Variants in ASIC2 observed in about 807,000 individuals in gnomAD.
The protein encoded by ASIC2 is acid sensing ion channel subunit 2.
In ASIC2, 25 loss-of-function variants were observed where a neutral mutation model predicts 57.3. That is an observed-to-expected ratio of 0.44 (90% CI 0.32 to 0.61). The LOEUF (loss-of-function observed/expected upper bound fraction) is 0.61. Among genes scored for constraint, ASIC2 ranks in the 20% least tolerant of loss-of-function variants. The pLI, the probability that ASIC2 is intolerant of heterozygous loss-of-function variation, is 0.06. For synonymous variants in ASIC2, 319 were observed against 307.5 expected (o/e 1.04, Z -0.39); for missense variants, 641 against 738.1 (o/e 0.87, Z 1.52).
intron 1 of ASIC2, among the ~76,000 whole-genome samples, chr17:33,760,459 TAA>T (rs1910745924): frequency 6.6e-6 from 1 of 152,038 alleles, no homozygotes; most frequent in Non-Finnish European, 1.5e-5. Context: ...AAGCAAGATA[TAA>T]GTGTGTGTGT....
At chr17:33,868,789 C>A (rs1330954564) in intron 1 of ASIC2, among the ~76,000 whole-genome samples, 1 of 152,142 alleles carries the variant, frequency 6.6e-6, no homozygotes, top group Non-Finnish European at 1.5e-5. Flanking sequence ...AGGGGCCAGG[C>A]ATTGTGGCTC....
At chr17:33,769,517 G>T (rs1911033762) in intron 1 of ASIC2, among the ~76,000 whole-genome samples, 1 of 152,220 alleles carries the variant, frequency 6.6e-6, no homozygotes, top group Non-Finnish European at 1.5e-5. Context: ...TGGACACAGG[G>T]GACCCAGAGG....
intron 1 of ASIC2, among the ~76,000 whole-genome samples, chr17:33,478,650 A>G (rs746032461): frequency 1.3e-5 from 2 of 152,132 alleles, no homozygotes; most frequent in African/African-American, 2.4e-5. Context: ...GTTTTACTGG[A>G]GACCAGAGAG....
At chr17:33,717,297 T>G (rs1239331539) in intron 1 of ASIC2, among the ~76,000 whole-genome samples, 2 of 152,200 alleles carry the variant, frequency 1.3e-5, no homozygotes, top group East Asian at 3.8e-4. Context: ...AAAAAAATAG[T>G]TTTCTTCCCG....
intron 1 of ASIC2, among the ~76,000 whole-genome samples, chr17:33,478,824 C>T (rs914419775): frequency 1.3e-5 from 2 of 152,146 alleles, no homozygotes; most frequent in Admixed American, 1.3e-4. Context: ...TTTGTTTTTA[C>T]TCTGTGTTCC....
intron 1 of ASIC2, among the ~76,000 whole-genome samples, chr17:33,896,609 C>T (rs1266322092): frequency 3.9e-5 from 6 of 152,186 alleles, no homozygotes; most frequent in Non-Finnish European, 7.3e-5. Flanking sequence ...TGGCTCCTAT[C>T]GGGGGCTGTC....
intron 1 of ASIC2, among the ~76,000 whole-genome samples, chr17:33,512,600 G>A (rs1043312310): frequency 5.9e-5 from 9 of 152,148 alleles, no homozygotes; most frequent in African/African-American, 2.2e-4. Flanking sequence ...GATTTAAAAA[G>A]AGACCAGGGA....
intron 1 of ASIC2, among the ~76,000 whole-genome samples, chr17:33,481,776 C>T (rs1485470008): frequency 6.6e-6 from 1 of 152,168 alleles, no homozygotes; most frequent in African/African-American, 2.4e-5. Context: ...GAGTTCTGTG[C>T]CTTATCTCCC....
intron 1 of ASIC2, among the ~76,000 whole-genome samples, chr17:34,011,150 G>GACAC (rs1906740960): frequency 4.0e-4 from 1 of 2,478 alleles, no homozygotes; most frequent in Admixed American, 3.5e-3. Context: ...CACACACATA[G>GACAC]ACACATAGAG....
chr17:33,928,474 C>G (rs1915868166), intron 1 of ASIC2, among the ~76,000 whole-genome samples: 1 of 152,220 alleles, frequency 6.6e-6, no homozygotes. Flanking sequence ...CACCTATGCT[C>G]TTTATGATAT....
intron 1 of ASIC2, among the ~76,000 whole-genome samples, chr17:33,425,268 C>T (rs1054139559): frequency 6.6e-6 from 1 of 152,056 alleles, no homozygotes; most frequent in Non-Finnish European, 1.5e-5. Flanking sequence ...CACATAGAGA[C>T]CTTGAGAAAT....
intron 1 of ASIC2, among the ~76,000 whole-genome samples, chr17:33,836,452 A>C (rs1198312411): frequency 6.6e-6 from 1 of 152,100 alleles, no homozygotes; most frequent in Non-Finnish European, 1.5e-5. Context: ...AAAGTGCTGG[A>C]ATTACAGGCA....
intron 1 of ASIC2, among the ~76,000 whole-genome samples, chr17:33,146,567 A>AC: frequency 6.6e-6 from 1 of 152,192 alleles, no homozygotes; most frequent in East Asian, 1.9e-4. Context: ...TAGAAACCAA[A>AC]CTCCTAGTTT....
At chr17:33,672,427 T>TA (rs35026243) in intron 1 of ASIC2, among the ~76,000 whole-genome samples, 6,493 of 141,786 alleles carry the variant, frequency 0.046, 331 homozygotes, top group African/African-American at 0.13. Flanking sequence ...ACTCCTTGCT[T>TA]AAAAAAAAAA....
intron 1 of ASIC2, among the ~76,000 whole-genome samples, chr17:33,745,869 C>CA (rs1320063738): frequency 6.6e-6 from 1 of 152,050 alleles, no homozygotes; most frequent in East Asian, 1.9e-4. Context: ...ACAAAGAGCA[C>CA]AAGCAAAGGT....
chr17:33,291,649 T>A lies in ASIC2; in HGVS notation c.467A>T (p.His156Leu), dbSNP rs766048869. ...LSKGDLYYAG[H>L]WLGLLLPNRT... ...GTTGGGCAGCAGCAGCCCGAGCCAG[T>A]GGCCGGCATAGTAGAGGTCCCCCTT... The change falls in exon 1 of 10, where the codon CAC becomes CTC. Residue 156 changes from histidine (H) to leucine (L), a missense_variant. Around this residue, in one of 3 missense-constraint regions of ASIC2, gnomAD observed 382 missense variants for 398.0 expected, o/e 0.96. Coordinates refer to ENST00000225823, the MANE Select transcript of ASIC2 (RefSeq NM_183377.2). 1 of 1,611,288 alleles carries A rather than the reference T, an allele frequency of 6.2e-7. No homozygotes were observed. The highest frequency in any genetic ancestry group is 8.5e-7 in the Non-Finnish European group (1 of 1,178,800).
chr17:33,317,427 C>T (rs1051461007), intron 1 of ASIC2, among the ~76,000 whole-genome samples: 2 of 152,198 alleles, frequency 1.3e-5, no homozygotes, highest in Non-Finnish European at 2.9e-5. Context: ...TGTCAACATC[C>T]TAATAGATGT....
chr17:34,103,614 CTAAT>C (rs946062505), intron 1 of ASIC2, among the ~76,000 whole-genome samples: 3 of 151,970 alleles, frequency 2.0e-5, no homozygotes, highest in African/African-American at 4.8e-5. Context: ...ACAGTCATCT[CTAAT>C]TAAATGTGGT....
At chr17:33,706,873 C>T (rs1908879140) in intron 1 of ASIC2, among the ~76,000 whole-genome samples, 1 of 152,202 alleles carries the variant, frequency 6.6e-6, no homozygotes, top group Non-Finnish European at 1.5e-5. Context: ...TGCTGTCATT[C>T]TGAAATCCTA....
Sources: gnomAD v4.1 joint callset for allele counts (sites outside exome capture counted in the v4.1 genomes callset) on GRCh38, gnomAD v4.1.1 for gene constraint, gnomAD v4.1.1 regional missense constraint, MANE v1.5 for transcripts, NCBI Gene and HGNC (gene_info 2026-07-23, HGNC 2026-07-21) for gene names.